COMMD1: variants seen among roughly 807,000 people sequenced by gnomAD.
COMMD1 encodes the protein copper metabolism domain containing 1.
COMMD1 carries 10 observed loss-of-function variants against 17.2 expected under a neutral mutation model. The ratio of observed to expected loss-of-function variants is 0.58; its 90% CI spans 0.36 to 0.99. COMMD1 has a LOEUF of 0.99. COMMD1 is among the 50% of genes least tolerant of loss of function. The pLI is 0.01. For missense variants in COMMD1, 270 were observed against 231.8 expected, an observed-to-expected ratio of 1.17 and a Z score of -1.07; for synonymous variants, 97 against 91.6, an observed-to-expected ratio of 1.06 and a Z score of -0.34.
intron 2 of COMMD1, among the ~76,000 whole-genome samples, chr2:62,043,763 A>G (rs747113363): frequency 6.6e-6 from 1 of 152,244 alleles, no homozygotes; most frequent in African/African-American, 2.4e-5. Context: ...GTATAAATTT[A>G]CAAGATCAGT....
chr2:61,965,401 C>T (rs1671479882), intron 1 of COMMD1, among the ~76,000 whole-genome samples: 1 of 152,140 alleles, frequency 6.6e-6, no homozygotes, highest in Admixed American at 6.5e-5. Context: ...CTGCTAGGCC[C>T]AGATACCAAA....
At chr2:62,056,049 A>G (rs1301004707) in intron 2 of COMMD1, among the ~76,000 whole-genome samples, 1 of 152,226 alleles carries the variant, frequency 6.6e-6, no homozygotes, top group Non-Finnish European at 1.5e-5. Flanking sequence ...CATATCAGGA[A>G]AACGGAATTG....
intron 1 of COMMD1, among the ~76,000 whole-genome samples, chr2:61,899,822 C>T (rs1669621747): frequency 6.6e-6 from 1 of 152,072 alleles, no homozygotes; most frequent in South Asian, 2.1e-4. Flanking sequence ...CAGACGTGTG[C>T]CACCCCACCC....
At chr2:62,070,894 G>A (rs1671183452) in intron 2 of COMMD1, among the ~76,000 whole-genome samples, 1 of 152,154 alleles carries the variant, frequency 6.6e-6, no homozygotes, top group African/African-American at 2.4e-5. Context: ...AGCTGGGTGT[G>A]GTGGTGCATG....
intron 2 of COMMD1, among the ~76,000 whole-genome samples, chr2:62,097,064 C>A (rs986944089): frequency 6.6e-6 from 1 of 152,158 alleles, no homozygotes. Context: ...GAATGCACTA[C>A]ATAAATCAGT....
At chr2:62,089,552 G>A (rs549976055) in intron 2 of COMMD1, among the ~76,000 whole-genome samples, 17 of 152,218 alleles carry the variant, frequency 1.1e-4, no homozygotes, top group Non-Finnish European at 1.0e-4. Flanking sequence ...CAAAGTGCTG[G>A]GATTACAGGC....
chr2:62,068,224 A>G (rs1232148042), intron 2 of COMMD1, among the ~76,000 whole-genome samples: 2 of 152,228 alleles, frequency 1.3e-5, no homozygotes, highest in African/African-American at 2.4e-5. Flanking sequence ...AGTTGGGACA[A>G]TTAGACATCT....
chr2:61,930,892 T>C (rs1318173350), intron 1 of COMMD1, among the ~76,000 whole-genome samples: 1 of 152,148 alleles, frequency 6.6e-6, no homozygotes, highest in Non-Finnish European at 1.5e-5. Context: ...TGCCTAGGTA[T>C]GCTAACTCAG....
intron 1 of COMMD1, among the ~76,000 whole-genome samples, chr2:61,942,123 T>G (rs1670765773): frequency 6.6e-6 from 1 of 152,232 alleles, no homozygotes; most frequent in Non-Finnish European, 1.5e-5. Context: ...TATTTATTTT[T>G]GAGACAGTCT....
chr2:62,135,470 C>A (rs1339845706), intron 2 of COMMD1, among the ~76,000 whole-genome samples: 1 of 152,090 alleles, frequency 6.6e-6, no homozygotes, highest in East Asian at 1.9e-4. Context: ...CCTGCCTCAG[C>A]CTCCTGAGTA....
At chr2:62,072,306 T>TG (rs1279318325) in intron 2 of COMMD1, among the ~76,000 whole-genome samples, 2 of 152,042 alleles carry the variant, frequency 1.3e-5, no homozygotes, top group Non-Finnish European at 2.9e-5. Flanking sequence ...ACTTCCTCGA[T>TG]GCCTTTTAAC....
chr2:62,095,132 C>T (rs1671964825), intron 2 of COMMD1, among the ~76,000 whole-genome samples: 1 of 152,166 alleles, frequency 6.6e-6, no homozygotes, highest in African/African-American at 2.4e-5. Flanking sequence ...GTAATGAAGA[C>T]ACCTGCATTG....
At chr2:61,964,316 G>A (rs893860994) in intron 1 of COMMD1, among the ~76,000 whole-genome samples, 2 of 152,044 alleles carry the variant, frequency 1.3e-5, no homozygotes, top group Non-Finnish European at 2.9e-5. Flanking sequence ...GATCTCTTGG[G>A]CTCTAGCAGT....
At chr2:62,105,626 C>G (rs189973670) in intron 2 of COMMD1, among the ~76,000 whole-genome samples, 304 of 152,296 alleles carry the variant, frequency 2.0e-3, no homozygotes, top group Non-Finnish European at 3.4e-3. Flanking sequence ...AAGTTCGAGA[C>G]AAGCCTGACC....
intron 1 of COMMD1, among the ~76,000 whole-genome samples, chr2:61,921,507 G>A (rs1449532245): frequency 1.3e-5 from 2 of 152,002 alleles, no homozygotes; most frequent in Non-Finnish European, 2.9e-5. Context: ...GCAGTGGCAC[G>A]ATTTCTGCTC....
chr2:62,072,016 GTA>G (rs1289346181), intron 2 of COMMD1, among the ~76,000 whole-genome samples: 1 of 151,510 alleles, frequency 6.6e-6, no homozygotes, highest in Non-Finnish European at 1.5e-5. Context: ...AATTAACCCA[GTA>G]TAATGTGGCT....
At chr2:61,893,021 C>T (rs1463874063) in intron 1 of COMMD1, among the ~76,000 whole-genome samples, 1 of 151,876 alleles carries the variant, frequency 6.6e-6, no homozygotes, top group East Asian at 1.9e-4. Context: ...GCATGCGCCA[C>T]CGTGGTCGGC....
chr2:62,006,208 G>C (rs1467077972), intron 2 of COMMD1, among the ~76,000 whole-genome samples: 1 of 120,340 alleles, frequency 8.3e-6, no homozygotes, highest in Non-Finnish European at 1.7e-5. Flanking sequence ...GGTGGGGGGA[G>C]GGGGGGAGGG....
intron 2 of COMMD1, among the ~76,000 whole-genome samples, chr2:62,064,946 T>C (rs1670986372): frequency 6.6e-6 from 1 of 152,146 alleles, no homozygotes; most frequent in Non-Finnish European, 1.5e-5. Flanking sequence ...GCAGATAGAT[T>C]GCTTGAATCC....
Sources: allele counts gnomAD v4.1 joint callset (sites outside exome capture counted in the v4.1 genomes callset), GRCh38; gene constraint gnomAD v4.1.1; transcripts MANE v1.5; gene names NCBI Gene and HGNC (gene_info 2026-07-23, HGNC 2026-07-21).